RBFOX1: variants seen among roughly 807,000 people sequenced by gnomAD.
RBFOX1 encodes RNA binding fox-1 homolog 1.
Under a neutral mutation model 57.7 loss-of-function variants are expected in RBFOX1, and 8 were observed. The observed-to-expected ratio is 0.14, with a 90% confidence interval of 0.08 to 0.25. The LOEUF is 0.25. Ranked by LOEUF, RBFOX1 falls within the 10% of genes least tolerant of loss-of-function variation. The probability of loss-of-function intolerance (pLI) is 1.00; values close to 1 mark genes in which losing one functional copy is unlikely to be tolerated. For missense variants in RBFOX1, 611 were observed against 548.5 expected, an observed-to-expected ratio of 1.11 and a Z score of -1.14; for synonymous variants, 326 against 222.4, an observed-to-expected ratio of 1.47 and a Z score of -4.15.
intron 5 of RBFOX1, among the ~76,000 whole-genome samples, chr16:7,575,778 C>T (rs1338167915): frequency 2.0e-5 from 3 of 152,056 alleles, no homozygotes; most frequent in Non-Finnish European, 1.5e-5. Flanking sequence ...CCCGGAAGGT[C>T]CCAGAAAAAA....
At chr16:6,061,342 G>C (rs1031714256) in intron 1 of RBFOX1, among the ~76,000 whole-genome samples, 1 of 152,130 alleles carries the variant, frequency 6.6e-6, no homozygotes, top group African/African-American at 2.4e-5. Flanking sequence ...ATGGGTGTAA[G>C]CGACAAGTGG....
chr16:7,618,969 C>G (rs887411478), intron 10 of RBFOX1, among the ~76,000 whole-genome samples: 3 of 152,170 alleles, frequency 2.0e-5, no homozygotes, highest in Non-Finnish European at 4.4e-5. Context: ...CCAAAAGAAT[C>G]AGCCAGAATT....
intron 4 of RBFOX1, among the ~76,000 whole-genome samples, chr16:5,896,823 A>T (rs2058175607): frequency 6.6e-6 from 1 of 151,974 alleles, no homozygotes; most frequent in African/African-American, 2.4e-5. Flanking sequence ...AGTAACAGAG[A>T]TCTGGTGAAG....
intron 2 of RBFOX1, among the ~76,000 whole-genome samples, chr16:6,370,022 A>G (rs369394765): frequency 7.2e-5 from 11 of 152,160 alleles, no homozygotes; most frequent in African/African-American, 2.7e-4. Context: ...CACAACAGTG[A>G]CAGTCTTGCT....
At chr16:7,404,854 T>C (rs2098310680) in intron 4 of RBFOX1, among the ~76,000 whole-genome samples, 1 of 152,162 alleles carries the variant, frequency 6.6e-6, no homozygotes. Flanking sequence ...GAATGTGTTA[T>C]GAATTGGGTG....
chr16:6,376,201 C>T (rs753254428), intron 2 of RBFOX1, among the ~76,000 whole-genome samples: 1 of 152,166 alleles, frequency 6.6e-6, no homozygotes, highest in Non-Finnish European at 1.5e-5. Flanking sequence ...CTCCAGGATC[C>T]TTGGGATCAC....
chr16:6,049,498 T>A (rs1414797426), intron 1 of RBFOX1, among the ~76,000 whole-genome samples: 2 of 152,180 alleles, frequency 1.3e-5, no homozygotes, highest in Non-Finnish European at 2.9e-5. Flanking sequence ...CTACTAGTCT[T>A]AAGCAAATAC....
intron 3 of RBFOX1, among the ~76,000 whole-genome samples, chr16:6,973,747 C>T (rs1050067841): frequency 6.6e-6 from 1 of 152,122 alleles, no homozygotes; most frequent in Non-Finnish European, 1.5e-5. Flanking sequence ...AGCATAACTG[C>T]ACTGTGTTAC....
At chr16:7,634,654 A>T (rs2061483916) in intron 11 of RBFOX1, among the ~76,000 whole-genome samples, 1 of 152,174 alleles carries the variant, frequency 6.6e-6, no homozygotes, top group African/African-American at 2.4e-5. Context: ...TTCACTGATA[A>T]CTTTGTGTCC....
intron 3 of RBFOX1, among the ~76,000 whole-genome samples, chr16:5,821,408 T>C (rs1195243385): frequency 6.6e-6 from 1 of 151,136 alleles, no homozygotes; most frequent in Non-Finnish European, 1.5e-5. Flanking sequence ...ACATGAGCAG[T>C]TCTTCTGCCT....
At chr16:7,415,013 T>C (rs2098465024) in intron 4 of RBFOX1, among the ~76,000 whole-genome samples, 1 of 152,220 alleles carries the variant, frequency 6.6e-6, no homozygotes, top group African/African-American at 2.4e-5. Context: ...TATGATCACA[T>C]AGTGAATGGC....
At chr16:7,596,135 A>C (rs1321389416) in intron 8 of RBFOX1, among the ~76,000 whole-genome samples, 42 of 2,728 alleles carry the variant, frequency 0.015, no homozygotes, top group African/African-American at 0.079. Context: ...GGAAAAAAAA[A>C]CAAAAAAAAA....
intron 3 of RBFOX1, among the ~76,000 whole-genome samples, chr16:5,700,361 G>A (rs1181612643): frequency 2.0e-5 from 3 of 151,426 alleles, no homozygotes; most frequent in African/African-American, 7.3e-5. Context: ...AAATATCTTT[G>A]TATTGCCTTC....
chr16:5,402,531 A>G (rs1042690960), intron 1 of RBFOX1, among the ~76,000 whole-genome samples: 1 of 152,232 alleles, frequency 6.6e-6, no homozygotes, highest in Non-Finnish European at 1.5e-5. Context: ...TCCTTTTGTT[A>G]TAACACATTT....
intron 2 of RBFOX1, among the ~76,000 whole-genome samples, chr16:6,589,845 A>G (rs919023246): frequency 1.3e-5 from 2 of 152,210 alleles, no homozygotes; most frequent in African/African-American, 4.8e-5. Context: ...AGCAAGATGG[A>G]GCCAGTTAGG....
At chr16:5,862,387 G>A (rs1284650080) in intron 3 of RBFOX1, among the ~76,000 whole-genome samples, 3 of 152,186 alleles carry the variant, frequency 2.0e-5, no homozygotes, top group African/African-American at 7.2e-5. Context: ...TGAGGGAGGG[G>A]TGTGATTATT....
chr16:7,355,790 A>G (rs947763764), intron 4 of RBFOX1, among the ~76,000 whole-genome samples: 1 of 152,218 alleles, frequency 6.6e-6, no homozygotes, highest in African/African-American at 2.4e-5. Flanking sequence ...GACATCATCA[A>G]TCTTTTAAGT....
At chr16:6,919,052 C>G (rs2073887859) in intron 3 of RBFOX1, among the ~76,000 whole-genome samples, 1 of 152,180 alleles carries the variant, frequency 6.6e-6, no homozygotes, top group African/African-American at 2.4e-5. Context: ...AGGATCTCAG[C>G]TCACTGCAAC....
At chr16:7,180,657 G>T (rs939863575) in intron 4 of RBFOX1, among the ~76,000 whole-genome samples, 8 of 151,708 alleles carry the variant, frequency 5.3e-5, no homozygotes, top group African/African-American at 1.9e-4. Flanking sequence ...ATTTACTTGG[G>T]GAAAATTAGC....
Sources: gnomAD v4.1 joint callset for allele counts (sites outside exome capture counted in the v4.1 genomes callset) on GRCh38, gnomAD v4.1.1 for gene constraint, MANE v1.5 for transcripts, NCBI Gene and HGNC (gene_info 2026-07-23, HGNC 2026-07-21) for gene names.